Variants in IPO4 observed in about 807,000 individuals in gnomAD.
IPO4 encodes the protein importin 4, also known as importin-4.
Under a neutral mutation model 133.5 loss-of-function variants are expected in IPO4, and 91 were observed. That is an observed-to-expected ratio of 0.68 (90% CI 0.58 to 0.81). The LOEUF (loss-of-function observed/expected upper bound fraction) is 0.81. Ranked by LOEUF, IPO4 falls within the 30% of genes least tolerant of loss-of-function variation. The pLI is 0.00. For missense variants in IPO4, 1,279 were observed against 1,386.2 expected (o/e 0.92, Z 1.23); for synonymous variants, 607 against 581.6 (o/e 1.04, Z -0.63).
Position 24,185,319 on chromosome 14 carries a change from G to A in IPO4, c.1279-7C>T. The A allele has an allele frequency of 6.2e-7, 1 of 1,614,040 alleles. No homozygotes were observed. Among genetic ancestry groups the A allele is most frequent in the Middle Eastern group, 1.6e-4 (1 of 6,062 alleles). On this transcript the variant is annotated splice_polypyrimidine_tract_variant and splice_region_variant and intron_variant, in intron 13 of 29. Coordinates refer to ENST00000354464, the MANE Select transcript of IPO4 (RefSeq NM_024658.4). ...AATAGCTGCTGATATGGGGCTGGGG[G>A]AGGGAGCAAGCAGGGCCTGAGTCAG...
Position 24,180,357 on chromosome 14 carries a change from G to C in IPO4, c.*85C>G. ...AATGGGTATGAGTCTCAGAATCTTT[G>C]GTAAGGCAGAACTGAACTGGGCTGA... On this transcript the variant is annotated 3_prime_UTR_variant, in exon 30 of 30. Transcript: ENST00000354464. 2 of 1,527,742 alleles carry C rather than the reference G, an allele frequency of 1.3e-6. No homozygotes were observed. The highest frequency in any genetic ancestry group is 1.2e-5 in the South Asian group (1 of 81,074). 94.6% of individuals were successfully genotyped at this position (1,527,742 alleles called of 1,614,324 possible). A position where few individuals can be genotyped will look rare whatever the true frequency, so the allele number is the denominator to read the frequency against.
In IPO4 at chr14:24,188,697, C is replaced by T. The variant is rs201704450; in HGVS notation, c.69+22G>A. The T allele has an allele frequency of 4.4e-6, 7 of 1,596,662 alleles. No individual in the cohort carries two copies. In the East Asian group the frequency reaches 1.6e-4, roughly 36 times the overall value. ...TCCCGCAACCTCCCGCTCGCCCTGG[C>T]CCGGTTACGCCTGCTCCGTACCCGA... On this transcript the variant is annotated intron_variant, in intron 1 of 29. Transcript: ENST00000354464.
At chr14:24,187,024 G>A (rs2039232569) in intron 7 of IPO4, 45 bp from the exon 8 acceptor site, 1 of 1,611,268 alleles carries the variant, frequency 6.2e-7, no homozygotes, top group African/African-American at 1.3e-5. Flanking sequence ...CTTCTTCAGT[G>A]GGCCAAACTG....
Position 24,186,953 on chromosome 14 carries a change from A to AG in IPO4, c.680dup (p.Leu228PhefsTer3), listed in dbSNP as rs943649954. 5 of 1,614,146 alleles carry AG rather than the reference A, an allele frequency of 3.1e-6. No individual in the cohort carries two copies. The Admixed American group carries it at 8.3e-5, about 27-fold the overall frequency. On this transcript the variant is annotated frameshift_variant, in exon 8 of 30. Coordinates refer to ENST00000354464, the MANE Select transcript of IPO4 (RefSeq NM_024658.4). LOFTEE classifies it high-confidence loss of function. Reference sequence around the variant, plus strand: ...CCTCTGACTCCAACAGTTCATCCAAAGCCTCAAGGGCCTCACAGGCCTTTG... The same window carrying AG: ...CCTCTGACTCCAACAGTTCATCCAAAGGCCTCAAGGGCCTCACAGGCCTTTG...
At chr14:24,185,779 A>C in intron 12 of IPO4, 82 bp downstream of exon 12, 1 of 1,136,552 alleles carries the variant, frequency 8.8e-7, no homozygotes, top group Non-Finnish European at 1.3e-6. Flanking sequence ...GTTGATAAAT[A>C]AGCTTGAACA....
Position 24,183,660 on chromosome 14 carries a change from C to T in IPO4, c.1993G>A (p.Val665Met), listed in dbSNP as rs754335399. The T allele has an allele frequency of 2.0e-5, 32 of 1,614,020 alleles. No homozygotes were observed. Among genetic ancestry groups the T allele is most frequent in the Non-Finnish European group, 2.4e-5 (28 of 1,180,034 alleles). The change falls in exon 20 of 30, where the codon GTG (valine) becomes ATG (methionine). Residue 665 changes from valine (V) to methionine (M), a missense_variant. By Grantham distance (21) the Val-to-Met change is conservative. Transcript: ENST00000354464. ...EDDSEISGYS[V>M]ENAFFDEKED... The stretch of plus-strand genomic sequence containing the variant: ...TTCTCATCGAAGAAGGCATTCTCCA[C>T]GCTGTACCTAGAGTAAGAAGGGGAG...
In IPO4 at chr14:24,184,878, A is replaced by G. The variant is rs1373165629; in HGVS notation, c.1511T>C (p.Leu504Pro). 3.1e-6 allele frequency: 5 copies of G among 1,613,840 alleles called. No individual in the cohort carries two copies. Among genetic ancestry groups the G allele is most frequent in the Non-Finnish European group, 4.2e-6 (5 of 1,179,940 alleles). Residue 504 changes from leucine to proline, a missense_variant, in exon 15 of 30, where the codon CTG becomes CCG. Around this residue, in one of 3 missense-constraint regions of IPO4, gnomAD observed 695 missense variants for 704.1 expected, o/e 0.99. Coordinates refer to ENST00000354464, the MANE Select transcript of IPO4 (RefSeq NM_024658.4). The part of the protein sequence containing the change: ...PRAKELAVSA[L>P]GAIATAAQAS... ...GCCTCTCTCCTCACCAATGGCTCCC[A>G]GGGCGCTCACAGCCAGCTCCTTGGC...
intron 12 of IPO4, 101 bp downstream of exon 12, chr14:24,185,760 G>A: frequency 9.7e-7 from 1 of 1,027,794 alleles, no homozygotes; most frequent in South Asian, 1.3e-5. Context: ...GATAATGGGG[G>A]GAAACGCTGT....
At position 24,188,791 on chromosome 14, in the gene IPO4, A is replaced by C; in HGVS notation, c.-4T>G. ...GCTCTAGCCCGGCTGACTCCATGGC[A>C]GCAACTGAGCCGCCGCTACTGGGCC... On this transcript the variant is annotated 5_prime_UTR_variant, in exon 1 of 30. Transcript: ENST00000354464. The C allele has an allele frequency of 6.7e-7, 1 of 1,496,266 alleles. No individual in the cohort carries two copies. The highest frequency in any genetic ancestry group is 8.9e-7 in the Non-Finnish European group (1 of 1,124,520). The allele number at this position is 1,496,266 out of a possible 1,614,324, so 92.7% of individuals were successfully genotyped here.
At position 24,180,221 on chromosome 14, in the gene IPO4, T is replaced by C. The variant is rs754653566; in HGVS notation, c.*221A>G. On this transcript the variant is annotated 3_prime_UTR_variant, in exon 30 of 30. Transcript: ENST00000354464. ...TCCAGCCTTCTTGCTCTCAGAGCTATTGTTCAAGCAGAAAACAAGCTGCTT... is the reference window on the plus strand; with the variant it reads ...TCCAGCCTTCTTGCTCTCAGAGCTACTGTTCAAGCAGAAAACAAGCTGCTT... The C allele has an allele frequency of 1.3e-6, 2 of 1,594,786 alleles. No homozygotes were observed. Among genetic ancestry groups the C allele is most frequent in the Non-Finnish European group, 1.7e-6 (2 of 1,169,056 alleles).
chr14:24,187,525 G>A lies in IPO4; in HGVS notation c.463C>T (p.Pro155Ser), dbSNP rs770195813. The part of the protein sequence containing the change: ...VVTSRPEAFQ[P>S]HHRELLRLLN... ...AGCCGAAGAAGCTCCCGGTGGTGGGGTTGGAAGGCCTCGGGCCGGGAGGTC... is the reference window on the plus strand; with the variant it reads ...AGCCGAAGAAGCTCCCGGTGGTGGGATTGGAAGGCCTCGGGCCGGGAGGTC... Residue 155 changes from proline to serine, a missense_variant, in exon 6 of 30, where the codon CCC becomes TCC. By Grantham distance (74) the Pro-to-Ser change is moderately conservative. This residue lies in a region of IPO4 where 695 missense variants were observed against 704.1 expected (regional missense o/e 0.99). Coordinates refer to ENST00000354464, the MANE Select transcript of IPO4 (RefSeq NM_024658.4). 4 of 1,614,026 alleles carry A rather than the reference G, an allele frequency of 2.5e-6. No individual in the cohort carries two copies. In the Admixed American group the frequency reaches 5.0e-5, roughly 20 times the overall value.
At chr14:24,186,684 G>C in intron 9 of IPO4, 24 bp downstream of exon 9, 1 of 1,596,990 alleles carries the variant, frequency 6.3e-7, no homozygotes. Flanking sequence ...GTGGGGTGAT[G>C]TGTGTCAATG....
chr14:24,185,348 C>T (rs751301665), intron 13 of IPO4, 36 bp from the exon 14 acceptor site: 1 of 1,613,698 alleles, frequency 6.2e-7, no homozygotes, highest in East Asian at 2.2e-5. Flanking sequence ...GAGTCAGGTT[C>T]ACCTGCCGGG....
At position 24,180,259 on chromosome 14, in the gene IPO4, G is replaced by A. The variant is rs756702300; in HGVS notation, c.*183C>T. 3.2e-6 allele frequency: 5 copies of A among 1,550,922 alleles called. No individual in the cohort carries two copies. The highest frequency in any genetic ancestry group is 4.4e-6 in the Non-Finnish European group (5 of 1,145,996). ...AAACAAGCTGCTTTTATTACAGTAT[G>A]ATGTCATGACTCATTTGTAACAGAT... is the stretch of plus-strand genomic sequence containing the variant. On this transcript the variant is annotated 3_prime_UTR_variant, in exon 30 of 30. Coordinates refer to ENST00000354464, the MANE Select transcript of IPO4 (RefSeq NM_024658.4).
rs1594445940 is a variant in IPO4 at position 24,188,580 on chromosome 14, T to C, written c.128A>G (p.Asp43Gly). 1 of 1,613,010 alleles carries C rather than the reference T, an allele frequency of 6.2e-7. No homozygotes were observed. Among genetic ancestry groups the C allele is most frequent in the South Asian group, 1.1e-5 (1 of 91,034 alleles). ...GGGGTCGGCCGCCGAGGCTAGCAGG[T>C]CGCAGAGAGCCGGCAAAGCGGCGGG... ...RAPAALPALC[D>G]LLASAADPQI... The change falls in exon 2 of 30, where the codon GAC (aspartate) becomes GGC (glycine). Residue 43 changes from aspartate to glycine, a missense_variant. Asp to Gly is a moderately conservative substitution (Grantham distance 94). Around this residue, in one of 3 missense-constraint regions of IPO4, gnomAD observed 695 missense variants for 704.1 expected, o/e 0.99. Coordinates refer to ENST00000354464, the MANE Select transcript of IPO4 (RefSeq NM_024658.4).
chr14:24,183,858 T>C lies in IPO4; in HGVS notation c.1910A>G (p.Asp637Gly). The C allele has an allele frequency of 6.2e-7, 1 of 1,614,040 alleles. No homozygotes were observed. The highest frequency in any genetic ancestry group is 8.5e-7 in the Non-Finnish European group (1 of 1,180,016). ...CTCCTCTTCTTCCCCATCACTCTCA[T>C]CGTCAAACAGAAGGAAGGAGCTGCT... ...DGSSSFLLFD[D>G]ESDGEEEEEL... The change falls in exon 19 of 30, where the codon GAT (aspartate) becomes GGT (glycine). Residue 637 changes from aspartate (D) to glycine (G), a missense_variant. Asp to Gly is a moderately conservative substitution (Grantham distance 94). Around this residue, in one of 3 missense-constraint regions of IPO4, gnomAD observed 575 missense variants for 653.4 expected, o/e 0.88. Transcript: ENST00000354464.
chr14:24,186,001 C>T (rs748944395), intron 11 of IPO4, 31 bp from the exon 12 acceptor site: 2 of 1,607,274 alleles, frequency 1.2e-6, no homozygotes, highest in Middle Eastern at 3.3e-4. Flanking sequence ...CTTCTGAAAC[C>T]CCAGCAAGAG....
At position 24,181,795 on chromosome 14, in the gene IPO4, C is replaced by T. The variant is rs780933654; in HGVS notation, c.2856G>A (p.Glu952=). Residue 952 remains glutamate, a synonymous_variant, in exon 27 of 30, where the codon GAG becomes GAA. Coordinates refer to ENST00000354464, the MANE Select transcript of IPO4 (RefSeq NM_024658.4). Reference sequence around the variant, plus strand: ...TGTTGTCACGGACACGATCATGTCGCTCCCGCGCCAGGAGGGGAAAAAGGA... The same window carrying T: ...TGTTGTCACGGACACGATCATGTCGTTCCCGCGCCAGGAGGGGAAAAAGGA... ...LGLLFPLLAR[E]RHDRVRDNIC... 6.3e-7 allele frequency: 1 copy of T among 1,599,700 alleles called. No individual in the cohort carries two copies. The highest frequency in any genetic ancestry group is 8.5e-7 in the Non-Finnish European group (1 of 1,171,184).
Position 24,184,946 on chromosome 14 carries a change from C to T in IPO4, c.1443G>A (p.Met481Ile), listed in dbSNP as rs763231290. The T allele has an allele frequency of 9.3e-6, 15 of 1,613,974 alleles. No homozygotes were observed. Among genetic ancestry groups the T allele is most frequent in the Non-Finnish European group, 1.2e-5 (14 of 1,180,032 alleles). Residue 481 changes from methionine (M) to isoleucine (I), a missense_variant, in exon 15 of 30, where the codon ATG (methionine) becomes ATA (isoleucine). Met to Ile is a conservative substitution (Grantham distance 10). Around this residue, in one of 3 missense-constraint regions of IPO4, gnomAD observed 695 missense variants for 704.1 expected, o/e 0.99. Coordinates refer to ENST00000354464, the MANE Select transcript of IPO4 (RefSeq NM_024658.4). ...TCCTCAGAAGCTGCAGCATGCATTC[C>T]ATAAGCTCCGGAAGGTAGGGCTGCA... ...PKVQPYLPEL[M>I]ECMLQLLRNP...
Sources: gnomAD v4.1 joint callset for allele counts on GRCh38, gnomAD v4.1.1 for gene constraint, gnomAD v4.1.1 regional missense constraint, MANE v1.5 for transcripts, NCBI Gene and HGNC (gene_info 2026-07-23, HGNC 2026-07-21) for gene names.